PDGFC: variants seen among roughly 807,000 people sequenced by gnomAD.
The protein encoded by PDGFC is platelet derived growth factor C, also known as platelet-derived growth factor C.
A neutral mutation model predicts 35.5 loss-of-function variants in PDGFC; 12 were observed. The observed-to-expected ratio is 0.34, with a 90% CI of 0.22 to 0.55. The LOEUF (loss-of-function observed/expected upper bound fraction) is 0.55, where lower values mean the gene tolerates loss of function less well. Among genes scored for constraint, PDGFC ranks in the 20% least tolerant of loss-of-function variants. The probability of loss-of-function intolerance (pLI) is 0.91; values close to 1 mark genes in which losing one functional copy is unlikely to be tolerated. For synonymous variants in PDGFC, 159 were observed against 148.8 expected, an observed-to-expected ratio of 1.07 and a Z score of -0.50; for missense variants, 322 against 412.4, an observed-to-expected ratio of 0.78 and a Z score of 1.90.
chr4:156,898,801 G>C (rs892233513), intron 1 of PDGFC, among the ~76,000 whole-genome samples: 1 of 152,144 alleles, frequency 6.6e-6, no homozygotes, highest in Non-Finnish European at 1.5e-5. Flanking sequence ...AGGACTACAG[G>C]TGTGCGCTAC....
intron 1 of PDGFC, among the ~76,000 whole-genome samples, chr4:156,888,309 T>A (rs1295373303): frequency 6.6e-6 from 1 of 152,214 alleles, no homozygotes; most frequent in Non-Finnish European, 1.5e-5. Context: ...AACTTCATAT[T>A]ATGGTGTCAT....
intron 1 of PDGFC, among the ~76,000 whole-genome samples, chr4:156,953,536 CT>C (rs1732136035): frequency 6.6e-6 from 1 of 151,998 alleles, no homozygotes; most frequent in South Asian, 2.1e-4. Context: ...TACTAGATAT[CT>C]TTGTCTTGAA....
intron 1 of PDGFC, among the ~76,000 whole-genome samples, chr4:156,900,896 G>A (rs1730752770): frequency 6.8e-6 from 1 of 147,086 alleles, no homozygotes. Flanking sequence ...AAGGAGGGAA[G>A]GAGGGAGGAA....
intron 1 of PDGFC, among the ~76,000 whole-genome samples, chr4:156,945,342 CATATATATATATATATAT>C (rs201167463): frequency 0.023 from 1,876 of 81,090 alleles, 80 homozygotes; most frequent in South Asian, 0.095. Flanking sequence ...CATATACATA[CATATATATATATATATAT>C]ATATATATAT....
At chr4:156,890,928 T>C (rs1450819641) in intron 1 of PDGFC, among the ~76,000 whole-genome samples, 2 of 152,158 alleles carry the variant, frequency 1.3e-5, no homozygotes, top group Admixed American at 1.3e-4. Flanking sequence ...TGTGTGTGTG[T>C]GTATATACAT....
chr4:156,824,585 A>T (rs551796980), intron 2 of PDGFC, among the ~76,000 whole-genome samples: 1 of 152,090 alleles, frequency 6.6e-6, no homozygotes, highest in Non-Finnish European at 1.5e-5. Context: ...TACTTGGCTC[A>T]GCATTTCTTT....
Position 156,767,971 on chromosome 4 carries a change from T to C in PDGFC, c.723A>G (p.Leu241=). 2.5e-6 allele frequency: 4 copies of C among 1,607,304 alleles called. No individual in the cohort carries two copies. The highest frequency in any genetic ancestry group is 3.4e-6 in the Non-Finnish European group (4 of 1,173,942). Residue 241 remains leucine (L), a synonymous_variant, in exon 5 of 6, where the codon CTA becomes CTG. Transcript: ENST00000502773. ...AGCTGTATAATCTTACCTCCTCTGT[T>C]AGAAGGTTCAGATCCACCACTATAT... ...RKSRVVDLNL[L]TEEVRLYSCT... is the part of the protein sequence containing the mutation.
intron 3 of PDGFC, among the ~76,000 whole-genome samples, chr4:156,803,770 A>G (rs1438642499): frequency 2.0e-5 from 3 of 152,306 alleles, no homozygotes; most frequent in Non-Finnish European, 2.9e-5. Context: ...ATAGAAAATG[A>G]AAGAATATTT....
In PDGFC at chr4:156,953,114, G is replaced by C. The variant is rs113156597; in HGVS notation, c.118+17672C>G. Among the ~76,000 whole-genome samples the C allele has an allele frequency of 6.7e-3, 1,015 of 152,012 alleles. 16 individuals are homozygous for C. The highest frequency in any genetic ancestry group is 0.023 in the African/African-American group (969 of 41,534). The stretch of plus-strand genomic sequence containing the variant: ...AAATATCTTGGATTCTATCCCTTAA[G>C]TAAAAGGATTTACATAGTCAAGCTT... On this transcript the variant is annotated intron_variant, in intron 1 of 5. Transcript: ENST00000502773.
intron 3 of PDGFC, among the ~76,000 whole-genome samples, chr4:156,804,204 A>T (rs1248969038): frequency 6.9e-6 from 1 of 145,314 alleles, no homozygotes; most frequent in Non-Finnish European, 1.5e-5. Flanking sequence ...GTAATTGTAA[A>T]AATAAATAAA....
intron 2 of PDGFC, among the ~76,000 whole-genome samples, chr4:156,839,768 CG>C (rs1393054201): frequency 6.6e-6 from 1 of 152,084 alleles, no homozygotes; most frequent in Non-Finnish European, 1.5e-5. Context: ...ACTTGTTGAA[CG>C]GCTTTGACCA....
chr4:156,772,109 G>C (rs1480417608), intron 4 of PDGFC, among the ~76,000 whole-genome samples: 1 of 151,212 alleles, frequency 6.6e-6, no homozygotes, highest in African/African-American at 2.5e-5. Flanking sequence ...AATTATTATG[G>C]TGTGGGTTCT....
chr4:156,859,534 T>C (rs1729659459), intron 1 of PDGFC, among the ~76,000 whole-genome samples: 2 of 152,080 alleles, frequency 1.3e-5, no homozygotes, highest in Admixed American at 1.3e-4. Context: ...CAGGTATAAA[T>C]AAAGGGCAAT....
chr4:156,850,129 G>T (rs1729417589), intron 2 of PDGFC, 92 bp downstream of exon 2: 1 of 615,040 alleles, frequency 1.6e-6, no homozygotes, highest in Admixed American at 3.4e-5. Flanking sequence ...TAAAACAAAA[G>T]ATGTCATTTA....
At chr4:156,895,972 T>C (rs1244534417) in intron 1 of PDGFC, among the ~76,000 whole-genome samples, 1 of 152,122 alleles carries the variant, frequency 6.6e-6, no homozygotes, top group East Asian at 1.9e-4. Context: ...CAAAAGAAGG[T>C]AATTTAGTTA....
intron 2 of PDGFC, among the ~76,000 whole-genome samples, chr4:156,815,021 C>A (rs1004103067): frequency 3.3e-5 from 5 of 152,032 alleles, no homozygotes; most frequent in Non-Finnish European, 5.9e-5. Context: ...CATGCTCATG[C>A]AAGTCTAGTG....
intron 1 of PDGFC, among the ~76,000 whole-genome samples, chr4:156,856,761 T>C (rs1729593774): frequency 6.6e-6 from 1 of 152,142 alleles, no homozygotes; most frequent in South Asian, 2.1e-4. Flanking sequence ...CCAGACGCTG[T>C]ATATGATAAA....
chr4:156,938,433 G>A (rs1731732618), intron 1 of PDGFC, among the ~76,000 whole-genome samples: 1 of 152,060 alleles, frequency 6.6e-6, no homozygotes, highest in Non-Finnish European at 1.5e-5. Context: ...TCATGGTCCT[G>A]GGACCCATAA....
At chr4:156,891,112 A>G (rs1560859627) in intron 1 of PDGFC, among the ~76,000 whole-genome samples, 1 of 152,000 alleles carries the variant, frequency 6.6e-6, no homozygotes, top group Non-Finnish European at 1.5e-5. Context: ...GCATGTTACT[A>G]AACTAAATAC....
Sources: allele counts gnomAD v4.1 joint callset (sites outside exome capture counted in the v4.1 genomes callset), GRCh38; gene constraint gnomAD v4.1.1; transcripts MANE v1.5; gene names NCBI Gene and HGNC (gene_info 2026-07-23, HGNC 2026-07-21).